Variants in HGF observed in about 807,000 individuals in gnomAD.
The protein encoded by HGF is fibroblast-derived tumor cytotoxic factor.
Under a neutral mutation model 111.6 loss-of-function variants are expected in HGF, and 39 were observed. That is an observed-to-expected ratio of 0.35 (90% CI 0.27 to 0.46). The LOEUF (loss-of-function observed/expected upper bound fraction) is 0.46. Ranked by LOEUF, HGF falls within the 20% of genes least tolerant of loss-of-function variation. The pLI is 1.00. For synonymous variants in HGF, 285 were observed against 294.8 expected (o/e 0.97, Z 0.34); for missense variants, 735 against 910.5 (o/e 0.81, Z 2.48).
intron 1 of HGF, among the ~76,000 whole-genome samples, chr7:81,768,225 C>T (rs1446552628): frequency 2.0e-5 from 3 of 152,154 alleles, no homozygotes; most frequent in African/African-American, 4.8e-5. Context: ...TTCCACACTG[C>T]GTTCCCCTTG....
intron 11 of HGF, among the ~76,000 whole-genome samples, chr7:81,716,045 C>T (rs898747620): frequency 1.3e-5 from 2 of 152,092 alleles, no homozygotes; most frequent in African/African-American, 2.4e-5. Flanking sequence ...TATAAAAAGG[C>T]TTTTTCACTC....
intron 6 of HGF, among the ~76,000 whole-genome samples, chr7:81,744,119 A>G (rs1028496477): frequency 6.6e-5 from 10 of 152,206 alleles, no homozygotes; most frequent in Non-Finnish European, 1.5e-4. Context: ...ACACCAAACA[A>G]AAAAGAATAG....
intron 6 of HGF, 35 bp from the exon 7 acceptor site, chr7:81,743,506 C>G (rs2116026651): frequency 7.3e-7 from 1 of 1,366,294 alleles, no homozygotes; most frequent in Non-Finnish European, 1.0e-6. Flanking sequence ...TCACGTAAAT[C>G]TGCCTGGAAA....
At chr7:81,709,853 T>A (rs1789525382) in intron 13 of HGF, among the ~76,000 whole-genome samples, 1 of 152,198 alleles carries the variant, frequency 6.6e-6, no homozygotes, top group South Asian at 2.1e-4. Context: ...AAGGTTTCAA[T>A]AGGTCCTCCG....
intron 1 of HGF, 89 bp downstream of exon 1, chr7:81,769,795 G>A: frequency 3.2e-6 from 3 of 946,440 alleles, no homozygotes; most frequent in Middle Eastern, 2.4e-4. Flanking sequence ...CTGGGAATAG[G>A]GTAAAAAGAG....
Position 81,717,336 on chromosome 7 carries a change from T to A in HGF, c.1301A>T (p.Lys434Met). The A allele has an allele frequency of 3.1e-6, 5 of 1,613,636 alleles. No homozygotes were observed. Among genetic ancestry groups the A allele is most frequent in the Non-Finnish European group, 4.2e-6 (5 of 1,179,632 alleles). ...RHIFWEPDAS[K>M]LNENYCRNPD... ...ATTTCGGCAGTAATTCTCATTCAGC[T>A]TACTTGCATCTGGTTCCCAGAAGAT... The change falls in exon 11 of 18, where the codon AAG becomes ATG. Residue 434 changes from lysine (K) to methionine (M), a missense_variant. This residue lies in a region of HGF where 553 missense variants were observed against 685.6 expected (regional missense o/e 0.81). Transcript: ENST00000222390.
At chr7:81,729,844 T>G in intron 7 of HGF, 65 bp from the exon 8 acceptor site, 2 of 1,474,030 alleles carry the variant, frequency 1.4e-6, no homozygotes, top group Non-Finnish European at 1.9e-6. Flanking sequence ...CATTTGCCTC[T>G]TAGAGTTCAT....
intron 2 of HGF, among the ~76,000 whole-genome samples, chr7:81,760,414 C>T (rs574662419): frequency 6.6e-6 from 1 of 152,246 alleles, no homozygotes; most frequent in South Asian, 2.1e-4. Context: ...TTGTTGATAA[C>T]TTCTCAAGGA....
intron 11 of HGF, among the ~76,000 whole-genome samples, chr7:81,716,785 T>C (rs774579545): frequency 2.8e-4 from 43 of 152,144 alleles, no homozygotes; most frequent in Non-Finnish European, 5.6e-4. Flanking sequence ...AGTCTTAAAT[T>C]AAAGAACTGA....
intron 4 of HGF, 182 bp downstream of exon 4, chr7:81,757,006 TA>T (rs1241005527): frequency 2.0e-5 from 12 of 608,830 alleles, no homozygotes; most frequent in Non-Finnish European, 3.5e-5. Context: ...TACATTTTAT[TA>T]ACATATTAAT....
chr7:81,726,169 C>G, intron 8 of HGF, 152 bp from the exon 9 acceptor site: 1 of 762,342 alleles, frequency 1.3e-6, no homozygotes, highest in Non-Finnish European at 2.3e-6. Flanking sequence ...ATTTAATATT[C>G]AGTATACATA....
In HGF at chr7:81,752,182, C is replaced by G. The variant is rs2116120709; in HGVS notation, c.563G>C (p.Trp188Ser). The G allele has an allele frequency of 6.2e-7, 1 of 1,613,572 alleles. No individual in the cohort carries two copies. Among genetic ancestry groups the G allele is most frequent in the Non-Finnish European group, 8.5e-7 (1 of 1,179,612 alleles). The change falls in exon 5 of 18, where the codon TGG becomes TCG. Residue 188 changes from tryptophan (W) to serine (S), a missense_variant. This residue lies in a region of HGF where 553 missense variants were observed against 685.6 expected (regional missense o/e 0.81). Transcript: ENST00000222390. The part of the protein sequence containing the change: ...RNPRGEEGGP[W>S]CFTSNPEVRY... ...TACCTCTGGATTGCTTGTGAAACAC[C>G]AGGGTCCCCCTTCTTCCCCTCGAGG...
chr7:81,737,793 T>C (rs1787881014), intron 7 of HGF, among the ~76,000 whole-genome samples: 1 of 152,122 alleles, frequency 6.6e-6, no homozygotes, highest in South Asian at 2.1e-4. Context: ...TAATTTCTAA[T>C]ATAGAAAAAC....
chr7:81,747,724 C>T (rs2057938), intron 5 of HGF, among the ~76,000 whole-genome samples: 125,263 of 152,110 alleles, frequency 0.82, 52,066 homozygotes, highest in African/African-American at 0.93. Flanking sequence ...CTCAAGCCTG[C>T]AATCCTAGCA....
chr7:81,746,044 C>A (rs1332916681), intron 5 of HGF, among the ~76,000 whole-genome samples: 1 of 152,204 alleles, frequency 6.6e-6, no homozygotes, highest in Non-Finnish European at 1.5e-5. Flanking sequence ...AATTACTGAT[C>A]ATCTAACTTT....
At position 81,742,776 on chromosome 7, in the gene HGF, A is replaced by G. The variant is rs930798216; in HGVS notation, c.865+577T>C. 4 of 1,534,060 alleles carry G rather than the reference A, an allele frequency of 2.6e-6. No individual in the cohort carries two copies. In the African/African-American group the frequency reaches 5.5e-5, roughly 21 times the overall value. On this transcript the variant is annotated intron_variant, in intron 7 of 17. Transcript: ENST00000222390. ...AAAAATGATTGTATGGACTGCTAAA[A>G]GACAGATCGAAACAGAATGCAGGCT...
At chr7:81,715,875 CAAG>C (rs1257148451) in intron 11 of HGF, among the ~76,000 whole-genome samples, 1 of 152,054 alleles carries the variant, frequency 6.6e-6, no homozygotes, top group African/African-American at 2.4e-5. Context: ...GCTTGTCTCA[CAAG>C]AAAAACATTC....
intron 13 of HGF, 120 bp downstream of exon 13, chr7:81,710,027 C>T: frequency 1.4e-6 from 1 of 731,184 alleles, no homozygotes; most frequent in Non-Finnish European, 2.5e-6. Context: ...TCTTTTACTG[C>T]CTCACCCAGG....
intron 3 of HGF, 149 bp from the exon 4 acceptor site, chr7:81,757,452 T>C: frequency 1.6e-6 from 1 of 632,826 alleles, no homozygotes; most frequent in Non-Finnish European, 2.8e-6. Context: ...TCTACTAGTA[T>C]TTTCAAAATA....
Sources: gnomAD v4.1 joint callset for allele counts (sites outside exome capture counted in the v4.1 genomes callset) on GRCh38, gnomAD v4.1.1 for gene constraint, gnomAD v4.1.1 regional missense constraint, MANE v1.5 for transcripts, NCBI Gene and HGNC (gene_info 2026-07-23, HGNC 2026-07-21) for gene names.